The following MARCHF1 variants were observed in gnomAD, a reference collection of about 807,000 sequenced individuals.
MARCHF1 encodes the protein membrane associated ring-CH-type finger 1, also known as E3 ubiquitin-protein ligase MARCHF1.
Under a neutral mutation model 54.2 loss-of-function variants are expected in MARCHF1, and 40 were observed. The observed-to-expected ratio is 0.74, with a 90% confidence interval of 0.57 to 0.96. The LOEUF is 0.96. Among genes scored for constraint, MARCHF1 ranks in the 40% least tolerant of loss-of-function variants. The pLI is 0.00. For missense variants in MARCHF1, 586 were observed against 656.5 expected, an observed-to-expected ratio of 0.89 and a Z score of 1.17; for synonymous variants, 236 against 236.3, an observed-to-expected ratio of 1.00 and a Z score of 0.01.
At chr4:163,702,004 G>T (rs929901912) in intron 4 of MARCHF1, among the ~76,000 whole-genome samples, 1 of 152,174 alleles carries the variant, frequency 6.6e-6, no homozygotes, top group Non-Finnish European at 1.5e-5. Flanking sequence ...AGTGATGACA[G>T]GATATGGCAG....
intron 1 of MARCHF1, among the ~76,000 whole-genome samples, chr4:164,217,439 A>C (rs1003348200): frequency 2.0e-5 from 3 of 152,212 alleles, no homozygotes; most frequent in African/African-American, 7.2e-5. Context: ...CAAAAGCTAA[A>C]AATTCTATAT....
At chr4:164,142,092 C>A (rs1463429495) in intron 1 of MARCHF1, among the ~76,000 whole-genome samples, 1 of 152,182 alleles carries the variant, frequency 6.6e-6, no homozygotes, top group Non-Finnish European at 1.5e-5. Context: ...TCACTCCCAC[C>A]CGAATACTGT....
chr4:164,216,740 G>T (rs1731945618), intron 1 of MARCHF1, among the ~76,000 whole-genome samples: 1 of 152,142 alleles, frequency 6.6e-6, no homozygotes, highest in South Asian at 2.1e-4. Flanking sequence ...ATGGCCTACA[G>T]CTGTCTCATT....
intron 1 of MARCHF1, among the ~76,000 whole-genome samples, chr4:164,192,227 T>C (rs1451450407): frequency 2.0e-5 from 3 of 152,334 alleles, no homozygotes; most frequent in Non-Finnish European, 2.9e-5. Flanking sequence ...TAAAAGTTCA[T>C]AGTGTCTGTA....
At chr4:163,934,707 T>C (rs969662727) in intron 3 of MARCHF1, among the ~76,000 whole-genome samples, 3 of 151,614 alleles carry the variant, frequency 2.0e-5, no homozygotes, top group Non-Finnish European at 2.9e-5. Context: ...TTCCACCACA[T>C]GTGTAGTTAC....
intron 5 of MARCHF1, among the ~76,000 whole-genome samples, chr4:163,683,602 A>T (rs1449248596): frequency 6.6e-6 from 1 of 152,216 alleles, no homozygotes; most frequent in African/African-American, 2.4e-5. Flanking sequence ...AGGTGTATTT[A>T]CACTGATAGG....
chr4:164,100,549 T>C (rs1755521032), intron 2 of MARCHF1, among the ~76,000 whole-genome samples: 1 of 152,216 alleles, frequency 6.6e-6, no homozygotes, highest in Non-Finnish European at 1.5e-5. Flanking sequence ...ATAAAGTCAT[T>C]CAACTTTCAC....
intron 1 of MARCHF1, among the ~76,000 whole-genome samples, chr4:164,258,366 T>C (rs1211823686): frequency 7.0e-6 from 1 of 142,530 alleles, no homozygotes; most frequent in Non-Finnish European, 1.5e-5. Context: ...CTTCATATTC[T>C]GCACATATAT....
At chr4:164,357,125 A>T (rs1730578229) in intron 1 of MARCHF1, among the ~76,000 whole-genome samples, 1 of 152,064 alleles carries the variant, frequency 6.6e-6, no homozygotes, top group Non-Finnish European at 1.5e-5. Flanking sequence ...TTAAGAAAAA[A>T]AAAAATAAAT....
chr4:163,880,654 A>G (rs1448783428), intron 3 of MARCHF1, among the ~76,000 whole-genome samples: 1 of 152,054 alleles, frequency 6.6e-6, no homozygotes, highest in African/African-American at 2.4e-5. Flanking sequence ...GGAAGGTTTT[A>G]TTGCATGATT....
At chr4:163,610,801 C>T (rs1003046253) in intron 7 of MARCHF1, among the ~76,000 whole-genome samples, 18 of 152,020 alleles carry the variant, frequency 1.2e-4, no homozygotes, top group African/African-American at 3.9e-4. Context: ...GAGCCCTCTC[C>T]ACTTCTCCAT....
At chr4:164,311,711 C>A (rs1734854452) in intron 1 of MARCHF1, among the ~76,000 whole-genome samples, 1 of 152,066 alleles carries the variant, frequency 6.6e-6, no homozygotes, top group East Asian at 1.9e-4. Context: ...AATTTGAAAG[C>A]CCATTAAATT....
At chr4:164,150,084 T>TA (rs2110903919) in intron 1 of MARCHF1, among the ~76,000 whole-genome samples, 1 of 152,256 alleles carries the variant, frequency 6.6e-6, no homozygotes, top group East Asian at 1.9e-4. Context: ...CAGCATAAAA[T>TA]AAGCAACTGT....
At chr4:163,979,727 G>C (rs1181350084) in intron 3 of MARCHF1, among the ~76,000 whole-genome samples, 2 of 152,134 alleles carry the variant, frequency 1.3e-5, no homozygotes, top group Admixed American at 1.3e-4. Context: ...ACTGGTGTGA[G>C]ATGGTATCTC....
chr4:163,638,750 G>T (rs1272588512), intron 5 of MARCHF1, among the ~76,000 whole-genome samples: 2 of 152,054 alleles, frequency 1.3e-5, no homozygotes, highest in South Asian at 2.1e-4. Flanking sequence ...ATAGCCAAAA[G>T]GTGAAAGCAA....
chr4:163,700,973 T>A, intron 4 of MARCHF1, 110 bp from the exon 5 acceptor site: 1 of 731,134 alleles, frequency 1.4e-6, no homozygotes, highest in East Asian at 2.8e-5. Context: ...ATGCTCTCTA[T>A]ATTGTTTTGA....
intron 1 of MARCHF1, among the ~76,000 whole-genome samples, chr4:164,131,757 C>T (rs1024727383): frequency 3.3e-5 from 5 of 151,984 alleles, no homozygotes; most frequent in African/African-American, 1.2e-4. Flanking sequence ...TATGAAACAG[C>T]CACCATATTA....
intron 4 of MARCHF1, among the ~76,000 whole-genome samples, chr4:163,827,991 C>T (rs1748900179): frequency 6.7e-6 from 1 of 149,368 alleles, no homozygotes; most frequent in African/African-American, 2.5e-5. Flanking sequence ...TGAACATCCT[C>T]CCTCCAAAAG....
chr4:163,943,079 T>G (rs7656427), intron 3 of MARCHF1, among the ~76,000 whole-genome samples: 1 of 152,042 alleles, frequency 6.6e-6, no homozygotes, highest in African/African-American at 2.4e-5. Context: ...TTCCTTATAA[T>G]TGCTGGATAT....
Sources: gnomAD v4.1 joint callset for allele counts (sites outside exome capture counted in the v4.1 genomes callset) on GRCh38, gnomAD v4.1.1 for gene constraint, MANE v1.5 for transcripts, NCBI Gene and HGNC (gene_info 2026-07-23, HGNC 2026-07-21) for gene names.